Variants in PIGN observed in about 807,000 individuals in gnomAD.
PIGN encodes phosphatidylinositol glycan anchor biosynthesis class N.
PIGN carries 117 observed loss-of-function variants against 125.4 expected under a neutral mutation model. That is an observed-to-expected ratio of 0.93 (90% CI 0.80 to 1.09). PIGN has a LOEUF of 1.09. Ranked by LOEUF, PIGN falls within the 50% of genes least tolerant of loss-of-function variation. The pLI is 0.00. For synonymous variants in PIGN, 392 were observed against 377.8 expected, an observed-to-expected ratio of 1.04 and a Z score of -0.44; for missense variants, 1,075 against 1,094.9, an observed-to-expected ratio of 0.98 and a Z score of 0.26.
At chr18:62,115,350 A>G (rs2035047712) in intron 14 of PIGN, among the ~76,000 whole-genome samples, 1 of 152,210 alleles carries the variant, frequency 6.6e-6, no homozygotes, top group Non-Finnish European at 1.5e-5. Context: ...ACCAGAATTT[A>G]ATTGTCTTAA....
chr18:62,026,510 A>G (rs2030120359), intron 23 of PIGN, among the ~76,000 whole-genome samples: 1 of 152,238 alleles, frequency 6.6e-6, no homozygotes, highest in African/African-American at 2.4e-5. Flanking sequence ...TTATACTGAT[A>G]CTGGCACAAG....
rs1460529773 is a variant in PIGN at position 62,161,246 on chromosome 18, A to T, written c.108T>A (p.Phe36Leu). The T allele has an allele frequency of 6.2e-7, 1 of 1,613,804 alleles. No individual in the cohort carries two copies. The highest frequency in any genetic ancestry group is 8.5e-7 in the Non-Finnish European group (1 of 1,179,692). The change falls in exon 4 of 31, where the codon TTT becomes TTA. Residue 36 changes from phenylalanine to leucine, a missense_variant. This residue lies in a region of PIGN where 152 missense variants were observed against 162.9 expected (regional missense o/e 0.93). Coordinates refer to ENST00000640252, the MANE Select transcript of PIGN (RefSeq NM_176787.5). ...TTCTCGCTGGAGGAGGCAATGGTGT[A>T]AACTGAGGAGTCATTCCATGAACCA... ...SPLVHGMTPQ[F>L]TPLPPPARRL...
intron 30 of PIGN, among the ~76,000 whole-genome samples, chr18:62,059,786 T>C (rs1169573157): frequency 6.6e-6 from 1 of 152,152 alleles, no homozygotes; most frequent in Non-Finnish European, 1.5e-5. Context: ...TATTAAATCA[T>C]TAAAAAATGA....
At chr18:62,102,178 G>C (rs966996074) in intron 21 of PIGN, among the ~76,000 whole-genome samples, 2 of 151,414 alleles carry the variant, frequency 1.3e-5, no homozygotes, top group African/African-American at 4.9e-5. Context: ...ATTGAGCTGA[G>C]ATTGTGCCAC....
At chr18:62,057,311 G>C (rs567736773) in intron 30 of PIGN, among the ~76,000 whole-genome samples, 48 of 151,810 alleles carry the variant, frequency 3.2e-4, no homozygotes, top group Non-Finnish European at 2.7e-4. Context: ...ACTCCTCCTA[G>C]AGCTTTCTCC....
chr18:62,050,934 C>A lies in PIGN; in HGVS notation c.2673-4955G>T, dbSNP rs544188368. Among the ~76,000 whole-genome samples, 4 of 151,226 alleles carry A rather than the reference C, an allele frequency of 2.6e-5. No homozygotes were observed. In the East Asian group the frequency reaches 7.8e-4, roughly 30 times the overall value. On this transcript the variant is annotated intron_variant, in intron 30 of 30. Transcript: ENST00000640252. The stretch of plus-strand genomic sequence containing the variant: ...AACGGTTGTTGAATTTTGTCAAAGG[C>A]CTTTTCTGCATCTATTGAGATAATC...
chr18:62,036,727 T>C (rs1247811568), downstream of PIGN, among the ~76,000 whole-genome samples: 1 of 152,212 alleles, frequency 6.6e-6, no homozygotes, highest in African/African-American at 2.4e-5. Flanking sequence ...AGGAGCATAT[T>C]ACTGCCATAG....
At chr18:62,107,932 T>C (rs2034716523) in intron 17 of PIGN, among the ~76,000 whole-genome samples, 1 of 152,206 alleles carries the variant, frequency 6.6e-6, no homozygotes, top group South Asian at 2.1e-4. Context: ...TCAAGTGAAC[T>C]CATAACCATC....
intron 6 of PIGN, 49 bp from the exon 7 acceptor site, chr18:62,154,700 C>CAA: frequency 1.1e-6 from 1 of 907,526 alleles, no homozygotes; most frequent in Non-Finnish European, 1.8e-6. Context: ...ATCTTTTAAA[C>CAA]TATCATAAAA....
chr18:62,182,477 C>T (rs1334269347), intron 1 of PIGN, among the ~76,000 whole-genome samples: 1 of 152,200 alleles, frequency 6.6e-6, no homozygotes, highest in African/African-American at 2.4e-5. Context: ...TCTTTACACC[C>T]TATTCTTCCC....
intron 22 of PIGN, 62 bp downstream of exon 22, chr18:62,101,013 G>C (rs1034900238): frequency 7.0e-5 from 60 of 854,758 alleles, no homozygotes; most frequent in Non-Finnish European, 1.2e-4. Flanking sequence ...GACATAAACA[G>C]ATCATTTTAA....
At chr18:62,099,462 G>T (rs2034348820) in intron 22 of PIGN, among the ~76,000 whole-genome samples, 1 of 151,594 alleles carries the variant, frequency 6.6e-6, no homozygotes, top group African/African-American at 2.4e-5. Context: ...AATTCATGTG[G>T]GCCCACAAAA....
chr18:62,172,982 C>T (rs1302180460), intron 1 of PIGN, among the ~76,000 whole-genome samples: 1 of 152,056 alleles, frequency 6.6e-6, no homozygotes, highest in Non-Finnish European at 1.5e-5. Flanking sequence ...AAAATATTAG[C>T]AATACTAAAA....
chr18:62,160,411 GGTT>G (rs1259709709), intron 4 of PIGN, among the ~76,000 whole-genome samples: 5 of 152,108 alleles, frequency 3.3e-5, no homozygotes, highest in African/African-American at 1.2e-4. Context: ...TTTTACAGAA[GGTT>G]GTGTTTTAAT....
intron 30 of PIGN, among the ~76,000 whole-genome samples, chr18:62,062,125 G>T (rs1191045114): frequency 6.6e-6 from 1 of 152,018 alleles, no homozygotes; most frequent in East Asian, 1.9e-4. Flanking sequence ...ATCAATCAGG[G>T]GCAATTCCAT....
intron 14 of PIGN, among the ~76,000 whole-genome samples, chr18:62,124,407 G>T (rs1475489000): frequency 1.3e-5 from 2 of 152,076 alleles, no homozygotes; most frequent in East Asian, 1.9e-4. Context: ...GGCAAAAAAA[G>T]ATACCAGATT....
In PIGN at chr18:62,163,668, A is replaced by T. The variant is rs193204147; in HGVS notation, c.-235-12T>A. 1 of 152,328 alleles carries T rather than the reference A, an allele frequency of 6.6e-6. No individual in the cohort carries two copies. The highest frequency in any genetic ancestry group is 6.5e-5 in the Admixed American group (1 of 15,308). 9.4% of individuals were successfully genotyped at this position (152,328 alleles called of 1,614,324 possible). On this transcript the variant is annotated splice_polypyrimidine_tract_variant and intron_variant, in intron 1 of 30. Transcript: ENST00000640252. ...ACATAATACTGTTTCTAGAACATAA[A>T]ACATTAAAAAAATTGTTAAAAAATT...
At chr18:62,157,462 T>G (rs1325702279) in intron 5 of PIGN, among the ~76,000 whole-genome samples, 11 of 152,208 alleles carry the variant, frequency 7.2e-5, no homozygotes, top group Non-Finnish European at 1.5e-4. Flanking sequence ...AGGAAAATTA[T>G]GCTTCCATCC....
intron 25 of PIGN, among the ~76,000 whole-genome samples, chr18:62,088,133 T>C (rs1018932466): frequency 1.3e-5 from 2 of 152,200 alleles, no homozygotes; most frequent in African/African-American, 2.4e-5. Context: ...CATCAAAATA[T>C]ACACCTTAAA....
Sources: allele counts gnomAD v4.1 joint callset (sites outside exome capture counted in the v4.1 genomes callset), GRCh38; gene constraint gnomAD v4.1.1; regional missense constraint gnomAD v4.1.1; transcripts MANE v1.5; gene names NCBI Gene and HGNC (gene_info 2026-07-23, HGNC 2026-07-21).